Variants in ZNF804B observed in about 807,000 individuals in gnomAD.
The protein encoded by ZNF804B is zinc finger 804B.
A neutral mutation model predicts 101.4 loss-of-function variants in ZNF804B; 80 were observed. The ratio of observed to expected loss-of-function variants is 0.79; its 90% CI spans 0.66 to 0.95. The LOEUF is 0.95. Among genes scored for constraint, ZNF804B ranks in the 40% least tolerant of loss-of-function variants. ZNF804B has a pLI of 0.00. For synonymous variants in ZNF804B, 622 were observed against 558.8 expected, an observed-to-expected ratio of 1.11 and a Z score of -1.59; for missense variants, 1,673 against 1,561.9, an observed-to-expected ratio of 1.07 and a Z score of -1.20.
intron 2 of ZNF804B, among the ~76,000 whole-genome samples, chr7:89,302,062 A>G (rs1203726254): frequency 9.6e-6 from 1 of 104,654 alleles, no homozygotes; most frequent in Non-Finnish European, 2.3e-5. Flanking sequence ...TTGCTGTTAT[A>G]TATATTATGA....
intron 1 of ZNF804B, among the ~76,000 whole-genome samples, chr7:88,829,509 C>A (rs1046712980): frequency 2.0e-5 from 3 of 151,828 alleles, no homozygotes; most frequent in Admixed American, 6.6e-5. Context: ...TGAGAAAAAT[C>A]GTTTTAGCCA....
chr7:89,022,586 G>A (rs1311987089), intron 1 of ZNF804B, among the ~76,000 whole-genome samples: 1 of 152,164 alleles, frequency 6.6e-6, no homozygotes, highest in African/African-American at 2.4e-5. Context: ...GGGCACATAG[G>A]CTTGTAGGAC....
chr7:89,141,360 A>T (rs1790712753), intron 1 of ZNF804B, among the ~76,000 whole-genome samples: 1 of 152,076 alleles, frequency 6.6e-6, no homozygotes. Flanking sequence ...TCCATTTGTT[A>T]AAAAAGACAC....
intron 1 of ZNF804B, among the ~76,000 whole-genome samples, chr7:89,211,545 G>A (rs983552834): frequency 7.2e-5 from 11 of 152,042 alleles, no homozygotes; most frequent in African/African-American, 2.7e-4. Context: ...TTTTGTATAA[G>A]GTGAAAGGAA....
intron 1 of ZNF804B, among the ~76,000 whole-genome samples, chr7:89,016,117 T>C (rs1361543485): frequency 2.4e-4 from 36 of 152,236 alleles, no homozygotes; most frequent in Non-Finnish European, 5.9e-5. Flanking sequence ...ATGTGTTTTT[T>C]GGCTGCATAA....
intron 1 of ZNF804B, among the ~76,000 whole-genome samples, chr7:88,985,995 A>C (rs1464298783): frequency 6.6e-6 from 1 of 152,116 alleles, no homozygotes; most frequent in African/African-American, 2.4e-5. Flanking sequence ...ATTTGCACAA[A>C]ACTGGAAACA....
chr7:89,182,101 C>A (rs942644800), intron 1 of ZNF804B, among the ~76,000 whole-genome samples: 3 of 152,112 alleles, frequency 2.0e-5, no homozygotes, highest in African/African-American at 7.2e-5. Context: ...TAGGAAATTA[C>A]CCTTTCTTTA....
At chr7:89,323,898 G>A (rs115515450) in intron 2 of ZNF804B, among the ~76,000 whole-genome samples, 5 of 152,088 alleles carry the variant, frequency 3.3e-5, no homozygotes, top group Admixed American at 2.0e-4. Context: ...ATGGAGGAAG[G>A]TTACTGACAA....
intron 1 of ZNF804B, among the ~76,000 whole-genome samples, chr7:89,050,070 G>GT (rs1391105031): frequency 2.0e-5 from 3 of 152,018 alleles, no homozygotes; most frequent in Admixed American, 1.3e-4. Flanking sequence ...AAAAGAAATA[G>GT]TTTTTTTCCA....
rs185015622 is a variant in ZNF804B, at chr7:89,110,348, T to A, written c.109-107807T>A. ...AAACAGGGAAGTACCATGGTAAAAT[T>A]TGCAATTTAAAAACATCATTTTGGA... On this transcript the variant is annotated intron_variant, in intron 1 of 3. Transcript: ENST00000333190. 4.5e-4 allele frequency among the ~76,000 whole-genome samples: 68 copies of A among 152,206 alleles called. No individual in the cohort carries two copies. In the East Asian group the frequency reaches 0.012, roughly 28 times the overall value.
chr7:88,931,575 A>G (rs1792886330), intron 1 of ZNF804B, among the ~76,000 whole-genome samples: 1 of 151,906 alleles, frequency 6.6e-6, no homozygotes, highest in Non-Finnish European at 1.5e-5. Context: ...GATAATGGAC[A>G]TATCTCCTTA....
intron 1 of ZNF804B, among the ~76,000 whole-genome samples, chr7:88,892,949 T>A (rs1357585831): frequency 6.6e-6 from 1 of 152,154 alleles, no homozygotes; most frequent in Admixed American, 6.6e-5. Context: ...AACTTTTTGA[T>A]TCTTCTCCCA....
chr7:89,081,226 G>T (rs928518367), intron 1 of ZNF804B, among the ~76,000 whole-genome samples: 4 of 151,762 alleles, frequency 2.6e-5, no homozygotes, highest in African/African-American at 9.7e-5. Flanking sequence ...TCAGTGCCAG[G>T]AATATAGAAA....
chr7:89,277,583 A>G (rs1470575195), intron 2 of ZNF804B, among the ~76,000 whole-genome samples: 2 of 147,298 alleles, frequency 1.4e-5, no homozygotes, highest in East Asian at 4.1e-4. Flanking sequence ...CCCACCTATG[A>G]GTGAGAATAT....
At chr7:88,990,215 G>C (rs1793825560) in intron 1 of ZNF804B, among the ~76,000 whole-genome samples, 1 of 151,750 alleles carries the variant, frequency 6.6e-6, no homozygotes, top group African/African-American at 2.4e-5. Context: ...ACTATCTACT[G>C]TAGAAATATA....
chr7:89,166,760 A>G (rs1191902713), intron 1 of ZNF804B, among the ~76,000 whole-genome samples: 1 of 152,168 alleles, frequency 6.6e-6, no homozygotes, highest in African/African-American at 2.4e-5. Context: ...TCCATACACA[A>G]TTTATTGGAG....
At chr7:89,281,606 CAA>C (rs1246024091) in intron 2 of ZNF804B, among the ~76,000 whole-genome samples, 2 of 152,030 alleles carry the variant, frequency 1.3e-5, no homozygotes, top group East Asian at 3.9e-4. Context: ...AAGCATATGG[CAA>C]AGTCAAGTAT....
chr7:89,051,900 A>G (rs565550794), intron 1 of ZNF804B, among the ~76,000 whole-genome samples: 77 of 152,246 alleles, frequency 5.1e-4, no homozygotes, highest in Non-Finnish European at 1.0e-3. Context: ...AATGGAAAGA[A>G]TACCAAGACC....
chr7:89,122,177 A>T (rs1293235168), intron 1 of ZNF804B, among the ~76,000 whole-genome samples: 1 of 152,162 alleles, frequency 6.6e-6, no homozygotes, highest in Non-Finnish European at 1.5e-5. Flanking sequence ...ACATGTAGCT[A>T]CTTATACTAA....
Sources: allele counts gnomAD v4.1 joint callset (sites outside exome capture counted in the v4.1 genomes callset), GRCh38; gene constraint gnomAD v4.1.1; transcripts MANE v1.5; gene names NCBI Gene and HGNC (gene_info 2026-07-23, HGNC 2026-07-21).